The following PTPN13 variants were observed in gnomAD, a reference collection of about 807,000 sequenced individuals.
PTPN13 encodes the protein tyrosine-protein phosphatase non-receptor type 13.
PTPN13 carries 191 observed loss-of-function variants against 284.0 expected under a neutral mutation model. The ratio of observed to expected loss-of-function variants is 0.67; its 90% CI spans 0.60 to 0.76. The LOEUF (loss-of-function observed/expected upper bound fraction) is 0.76, where lower values mean the gene tolerates loss of function less well. Among genes scored for constraint, PTPN13 ranks in the 30% least tolerant of loss-of-function variants. PTPN13 has a pLI of 0.00. For missense variants in PTPN13, 2,797 were observed against 2,939.9 expected, an observed-to-expected ratio of 0.95 and a Z score of 1.12; for synonymous variants, 986 against 1,022.3, an observed-to-expected ratio of 0.96 and a Z score of 0.68.
intron 1 of PTPN13, among the ~76,000 whole-genome samples, chr4:86,609,429 C>T (rs1765071935): frequency 6.6e-6 from 1 of 152,094 alleles, no homozygotes; most frequent in Admixed American, 6.5e-5. Flanking sequence ...AGTCCCCTTC[C>T]TGGGGTGCTT....
chr4:86,787,018 T>C (rs1016584761), intron 40 of PTPN13, among the ~76,000 whole-genome samples: 3 of 151,584 alleles, frequency 2.0e-5, no homozygotes, highest in Non-Finnish European at 4.4e-5. Context: ...GGCAGGAGAA[T>C]CACTTGACCC....
Position 86,774,377 on chromosome 4 carries a change from T to TA in PTPN13, c.5355dup (p.Glu1786ArgfsTer8). The TA allele has an allele frequency of 1.2e-6, 2 of 1,604,468 alleles. No homozygotes were observed. Among genetic ancestry groups the TA allele is most frequent in the Non-Finnish European group, 1.7e-6 (2 of 1,175,268 alleles). On this transcript the variant is annotated frameshift_variant, in exon 33 of 48. Transcript: ENST00000411767. LOFTEE classifies it high-confidence loss of function. ...ATTACTGCTTTTTTCCCTTAGGAAGTAGAACTCCTCATTACCCTAATTAAA... is the reference window on the plus strand; with the variant it reads ...ATTACTGCTTTTTTCCCTTAGGAAGTAAGAACTCCTCATTACCCTAATTAAA...
At position 86,728,251 on chromosome 4, in the gene PTPN13, A is replaced by G. The variant is rs993461509; in HGVS notation, c.1609-4149A>G. ...TACTTCCAATTATGTGGTCAATTTTAGAATAAGTGTGATGTGGTGCTGAGA... is the reference window on the plus strand; with the variant it reads ...TACTTCCAATTATGTGGTCAATTTTGGAATAAGTGTGATGTGGTGCTGAGA... On this transcript the variant is annotated intron_variant, in intron 10 of 47. Coordinates refer to ENST00000411767, the MANE Select transcript of PTPN13 (RefSeq NM_080683.3). Among the ~76,000 whole-genome samples, 12 of 149,418 alleles carry G rather than the reference A, an allele frequency of 8.0e-5. 1 individual carries two copies. Among genetic ancestry groups the G allele is most frequent in the Admixed American group, 2.0e-4 (3 of 14,872 alleles).
chr4:86,627,519 T>A (rs1721976699), intron 1 of PTPN13, among the ~76,000 whole-genome samples: 1 of 150,988 alleles, frequency 6.6e-6, no homozygotes, highest in Non-Finnish European at 1.5e-5. Context: ...TTTTTTTTTT[T>A]CTTTTTAACA....
chr4:86,678,103 T>C (rs533317777), intron 3 of PTPN13, among the ~76,000 whole-genome samples: 1 of 152,312 alleles, frequency 6.6e-6, no homozygotes, highest in South Asian at 2.1e-4. Flanking sequence ...AGCTATTATA[T>C]CTTATAAACT....
intron 35 of PTPN13, among the ~76,000 whole-genome samples, 173 bp downstream of exon 35, chr4:86,775,825 T>G (rs1002087975): frequency 6.6e-6 from 1 of 152,226 alleles, no homozygotes; most frequent in Non-Finnish European, 1.5e-5. Context: ...GAACACTAAG[T>G]GAATAATAGA....
At chr4:86,772,110 T>A (rs2149276452) in intron 31 of PTPN13, among the ~76,000 whole-genome samples, 1 of 152,358 alleles carries the variant, frequency 6.6e-6, no homozygotes, top group Non-Finnish European at 1.5e-5. Flanking sequence ...GGAGTCAGAC[T>A]TTTATTCTTC....
At chr4:86,605,980 G>T (rs1384421340) in intron 1 of PTPN13, among the ~76,000 whole-genome samples, 4 of 151,856 alleles carry the variant, frequency 2.6e-5, no homozygotes, top group African/African-American at 9.7e-5. Context: ...TAAAGTGAAA[G>T]AAATTATTAC....
At chr4:86,784,910 C>A (rs936687844) in intron 38 of PTPN13, among the ~76,000 whole-genome samples, 1 of 151,984 alleles carries the variant, frequency 6.6e-6, no homozygotes, top group Non-Finnish European at 1.5e-5. Flanking sequence ...TTGTTTCTTT[C>A]ATAAATTAAT....
intron 1 of PTPN13, among the ~76,000 whole-genome samples, chr4:86,627,934 C>G (rs1222217276): frequency 6.6e-6 from 1 of 152,030 alleles, no homozygotes. Context: ...TGAGGATATA[C>G]TAAGATTTTT....
intron 16 of PTPN13, among the ~76,000 whole-genome samples, chr4:86,742,091 A>G (rs770985182): frequency 1.4e-4 from 22 of 152,236 alleles, no homozygotes; most frequent in Non-Finnish European, 2.8e-4. Flanking sequence ...AATTCTCTGA[A>G]TAAGTCAGAA....
At position 86,809,017 on chromosome 4, in the gene PTPN13, C is replaced by A. The variant is rs1341600925; in HGVS notation, c.7084-752C>A. Among the ~76,000 whole-genome samples, 5 of 152,136 alleles carry A rather than the reference C, an allele frequency of 3.3e-5. No homozygotes were observed. The East Asian group carries it at 9.7e-4, about 29-fold the overall frequency. ...AGAAAACCATTCCAGTCAGAAAGAG[C>A]CAGTACAAAAGTCCTGAGACCAAAC... On this transcript the variant is annotated intron_variant, in intron 45 of 47. Transcript: ENST00000411767.
chr4:86,750,973 CA>C (rs1370145985), intron 18 of PTPN13, 53 bp from the exon 19 acceptor site: 11 of 1,558,060 alleles, frequency 7.1e-6, no homozygotes, highest in Non-Finnish European at 9.6e-6. Context: ...TTATTATTTT[CA>C]CCATATTTTT....
At chr4:86,644,786 G>T (rs181587116) in intron 2 of PTPN13, among the ~76,000 whole-genome samples, 2,326 of 152,250 alleles carry the variant, frequency 0.015, 38 homozygotes, top group Non-Finnish European at 0.02. Context: ...TGCAAGATTA[G>T]TTGAACTTTC....
chr4:86,741,241 AC>A (rs1206170509), intron 15 of PTPN13, among the ~76,000 whole-genome samples: 1 of 152,122 alleles, frequency 6.6e-6, no homozygotes, highest in Non-Finnish European at 1.5e-5. Context: ...CCATTTTCAC[AC>A]TGCTGATAAA....
chr4:86,750,958 A>C (rs112340285), intron 18 of PTPN13, 69 bp from the exon 19 acceptor site: 4 of 1,562,464 alleles, frequency 2.6e-6, no homozygotes, highest in African/African-American at 1.4e-5. Context: ...TTTTGTTATG[A>C]CATTTTATTA....
Position 86,656,930 on chromosome 4 carries a change from G to A in PTPN13, c.116-15435G>A, listed in dbSNP as rs1018136325. On this transcript the variant is annotated intron_variant, in intron 2 of 47. Coordinates refer to ENST00000411767, the MANE Select transcript of PTPN13 (RefSeq NM_080683.3). Reference sequence around the variant, plus strand: ...TACTCAAGCCTCAGCAATGGCAGGCGCCCATCCCCGAGCCTCGCTGCCGCC... The same window carrying A: ...TACTCAAGCCTCAGCAATGGCAGGCACCCATCCCCGAGCCTCGCTGCCGCC... Among the ~76,000 whole-genome samples the A allele has an allele frequency of 7.2e-5, 11 of 152,210 alleles. 1 individual carries two copies. The highest frequency in any genetic ancestry group is 1.3e-4 in the Admixed American group (2 of 15,282).
intron 42 of PTPN13, among the ~76,000 whole-genome samples, chr4:86,801,040 T>C (rs183404095): frequency 2.6e-5 from 4 of 152,330 alleles, no homozygotes; most frequent in Admixed American, 2.0e-4. Flanking sequence ...AATCAGCTGA[T>C]TGACATAATT....
chr4:86,672,303 T>C, intron 2 of PTPN13, 62 bp from the exon 3 acceptor site: 1 of 1,373,114 alleles, frequency 7.3e-7, no homozygotes, highest in East Asian at 2.5e-5. Context: ...TTCCTGTGAT[T>C]ATAATTTTAA....
Sources: gnomAD v4.1 joint callset for allele counts (sites outside exome capture counted in the v4.1 genomes callset) on GRCh38, gnomAD v4.1.1 for gene constraint, MANE v1.5 for transcripts, NCBI Gene and HGNC (gene_info 2026-07-23, HGNC 2026-07-21) for gene names.